Variants in XIRP2 observed in about 807,000 individuals in gnomAD.
The protein encoded by XIRP2 is xin actin-binding repeat-containing protein 2.
A neutral mutation model predicts 277.0 loss-of-function variants in XIRP2; 236 were observed. The observed-to-expected ratio is 0.85, with a 90% confidence interval of 0.77 to 0.95. The LOEUF is 0.95. XIRP2 is among the 40% of genes least tolerant of loss of function. The pLI is 0.00. For synonymous variants in XIRP2, 1,490 were observed against 1,416.5 expected, an observed-to-expected ratio of 1.05 and a Z score of -1.17; for missense variants, 4,640 against 4,157.5, an observed-to-expected ratio of 1.12 and a Z score of -3.19.
chr2:167,180,713 A>T (rs2105356817), intron 3 of XIRP2, among the ~76,000 whole-genome samples: 1 of 152,174 alleles, frequency 6.6e-6, no homozygotes, highest in East Asian at 1.9e-4. Context: ...TGCCTCATTC[A>T]GTCACTGTCC....
chr2:166,948,803 A>T (rs1685950607), intron 2 of XIRP2, among the ~76,000 whole-genome samples: 1 of 152,016 alleles, frequency 6.6e-6, no homozygotes, highest in Admixed American at 6.6e-5. Flanking sequence ...TTAATTAGGG[A>T]ACCAACAGAA....
At chr2:166,934,209 A>AAC (rs1685429577) in intron 2 of XIRP2, among the ~76,000 whole-genome samples, 1 of 150,992 alleles carries the variant, frequency 6.6e-6, no homozygotes, top group African/African-American at 2.4e-5. Context: ...AAAAAAAAAA[A>AAC]AAAAACAAAA....
chr2:167,249,608 A>C lies in XIRP2; in HGVS notation c.8216A>C (p.Asp2739Ala), dbSNP rs763659243. 6.2e-7 allele frequency: 1 copy of C among 1,613,666 alleles called. No individual in the cohort carries two copies. Among genetic ancestry groups the C allele is most frequent in the South Asian group, 1.1e-5 (1 of 91,074 alleles). ...YESHKQQSEIDVQTFTKKQYL... is the reference protein window; with the variant it reads ...YESHKQQSEIAVQTFTKKQYL... ...AGTCATAAACAGCAATCTGAGATTGATGTTCAAACCTTTACCAAAAAACAA... is the reference window on the plus strand; with the variant it reads ...AGTCATAAACAGCAATCTGAGATTGCTGTTCAAACCTTTACCAAAAAACAA... Residue 2739 changes from aspartate to alanine, a missense_variant, in exon 9 of 11, where the codon GAT (aspartate) becomes GCT (alanine). Asp to Ala is a moderately radical substitution (Grantham distance 126). Coordinates refer to ENST00000409195, the MANE Select transcript of XIRP2 (RefSeq NM_152381.6).
In XIRP2 at chr2:167,258,457, T is replaced by TTCTTCC; in HGVS notation, c.*640_*641insTCTTCC. On this transcript the variant is annotated 3_prime_UTR_variant, in exon 11 of 11. Transcript: ENST00000409195. Reference sequence around the variant, plus strand: ...ATGAAAAGAAGGAAGGAAGGAAGAATGTGCAAGATAGGCCGAGTGAAGCTG... The same window carrying TTCTTCC: ...ATGAAAAGAAGGAAGGAAGGAAGAATTCTTCCGTGCAAGATAGGCCGAGTGAAGCTG... 1 of 1,612,602 alleles carries TTCTTCC rather than the reference T, an allele frequency of 6.2e-7. No homozygotes were observed. Among genetic ancestry groups the TTCTTCC allele is most frequent in the Non-Finnish European group, 8.5e-7 (1 of 1,179,486 alleles).
intron 2 of XIRP2, among the ~76,000 whole-genome samples, chr2:167,060,513 GT>G (rs987940319): frequency 1.3e-5 from 2 of 151,982 alleles, no homozygotes; most frequent in African/African-American, 4.8e-5. Context: ...ATTTTGAGGG[GT>G]TTTTTGTATA....
chr2:166,962,752 A>C (rs1462184949), intron 2 of XIRP2, among the ~76,000 whole-genome samples: 2 of 151,736 alleles, frequency 1.3e-5, no homozygotes. Flanking sequence ...AATCTCATTA[A>C]ATTCCATTAA....
In XIRP2 at chr2:167,259,270, T is replaced by C; in HGVS notation, c.*1453T>C. ...ATGCTCTGAGCCATGAATGTACAGC[T>C]AAGCCTTTGTTTCCCAGAGTGGAGG... On this transcript the variant is annotated 3_prime_UTR_variant, in exon 11 of 11. Coordinates refer to ENST00000409195, the MANE Select transcript of XIRP2 (RefSeq NM_152381.6). The C allele has an allele frequency of 6.2e-7, 1 of 1,613,362 alleles. No homozygotes were observed. Among genetic ancestry groups the C allele is most frequent in the Non-Finnish European group, 8.5e-7 (1 of 1,179,612 alleles).
At chr2:167,038,879 C>G (rs1688584104) in intron 2 of XIRP2, among the ~76,000 whole-genome samples, 1 of 151,736 alleles carries the variant, frequency 6.6e-6, no homozygotes, top group Non-Finnish European at 1.5e-5. Flanking sequence ...TCATGGGGGG[C>G]CACTTAATAA....
intron 2 of XIRP2, among the ~76,000 whole-genome samples, chr2:167,008,878 T>C (rs1157849760): frequency 1.3e-5 from 2 of 151,520 alleles, no homozygotes; most frequent in Non-Finnish European, 3.0e-5. Context: ...ATGAGTATAT[T>C]GTATAATGTC....
At chr2:167,021,851 C>T (rs1246059005) in intron 2 of XIRP2, among the ~76,000 whole-genome samples, 2 of 151,760 alleles carry the variant, frequency 1.3e-5, no homozygotes, top group Non-Finnish European at 2.9e-5. Flanking sequence ...TAAAAATTGC[C>T]GTTATAAAAA....
At chr2:167,023,073 A>G (rs1046210943) in intron 2 of XIRP2, among the ~76,000 whole-genome samples, 69 of 152,226 alleles carry the variant, frequency 4.5e-4, no homozygotes, top group Non-Finnish European at 8.8e-4. Flanking sequence ...TCCCACCAAC[A>G]GTGTAAAAGT....
rs1041274891 is a variant in XIRP2, at chr2:167,062,042, G to T, written c.409-73867G>T. ...TCTATTAAGTCCAGCACCCTCGATC[G>T]CTTGGCCATCCTGGCACCCTTCCTG... is the stretch of plus-strand genomic sequence containing the variant. On this transcript the variant is annotated intron_variant, in intron 2 of 10. Coordinates refer to ENST00000409195, the MANE Select transcript of XIRP2 (RefSeq NM_152381.6). Among the ~76,000 whole-genome samples the T allele has an allele frequency of 4.6e-5, 7 of 152,036 alleles. No homozygotes were observed. In the East Asian group the frequency reaches 9.6e-4, roughly 21 times the overall value.
At chr2:167,214,259 A>AGGAAGGAAGGAAGG (rs1259203622) in intron 4 of XIRP2, among the ~76,000 whole-genome samples, 1 of 90,138 alleles carries the variant, frequency 1.1e-5, no homozygotes, top group Non-Finnish European at 2.1e-5. Flanking sequence ...GAAGGAAGGA[A>AGGAAGGAAGGAAGG]AGAGAGAGAG....
At chr2:166,997,732 C>T (rs1687260659) in intron 2 of XIRP2, among the ~76,000 whole-genome samples, 2 of 151,942 alleles carry the variant, frequency 1.3e-5, no homozygotes, top group Non-Finnish European at 2.9e-5. Context: ...TGGTGAAACC[C>T]CATCTCCACT....
chr2:167,121,329 A>G (rs1020313613), intron 2 of XIRP2, among the ~76,000 whole-genome samples: 7 of 152,140 alleles, frequency 4.6e-5, no homozygotes, highest in African/African-American at 1.7e-4. Flanking sequence ...ACAGTAATTC[A>G]TTTTTAGATC....
intron 9 of XIRP2, among the ~76,000 whole-genome samples, chr2:167,253,054 C>T (rs970774681): frequency 1.3e-5 from 2 of 151,844 alleles, no homozygotes; most frequent in African/African-American, 4.8e-5. Flanking sequence ...AAGGAGTTCA[C>T]TCAGTGGCCC....
intron 2 of XIRP2, among the ~76,000 whole-genome samples, chr2:167,022,843 A>C (rs1421165511): frequency 2.0e-5 from 3 of 152,260 alleles, no homozygotes; most frequent in East Asian, 1.9e-4. Context: ...TTTTCTTAAT[A>C]CAGTCCATCA....
At chr2:167,242,366 T>C (rs1695098278) in intron 8 of XIRP2, among the ~76,000 whole-genome samples, 2 of 152,192 alleles carry the variant, frequency 1.3e-5, no homozygotes, top group Admixed American at 1.3e-4. Flanking sequence ...AATATAACTT[T>C]ACAAGTAAAA....
intron 4 of XIRP2, among the ~76,000 whole-genome samples, chr2:167,217,940 T>G (rs1252640378): frequency 6.6e-6 from 1 of 152,168 alleles, no homozygotes; most frequent in African/African-American, 2.4e-5. Flanking sequence ...CTCAATACTT[T>G]GAAAATTCTT....
Sources: gnomAD v4.1 joint callset for allele counts (sites outside exome capture counted in the v4.1 genomes callset) on GRCh38, gnomAD v4.1.1 for gene constraint, MANE v1.5 for transcripts, NCBI Gene and HGNC (gene_info 2026-07-23, HGNC 2026-07-21) for gene names.